The following GGH variants were observed in gnomAD, a reference collection of about 807,000 sequenced individuals.
The protein encoded by GGH is gamma-glutamyl hydrolase.
GGH carries 18 observed loss-of-function variants against 39.2 expected under a neutral mutation model. The ratio of observed to expected loss-of-function variants is 0.46; its 90% confidence interval spans 0.32 to 0.68. The LOEUF (loss-of-function observed/expected upper bound fraction) is 0.68, where lower values mean the gene tolerates loss of function less well. GGH is among the 30% of genes least tolerant of loss of function. The probability of loss-of-function intolerance (pLI) is 0.04; values close to 1 mark genes in which losing one functional copy is unlikely to be tolerated. For missense variants in GGH, 367 were observed against 384.1 expected (o/e 0.96, Z 0.37); for synonymous variants, 147 against 138.8 (o/e 1.06, Z -0.42).
chr8:63,027,297 G>GGCAAAATACACCC, intron 3 of GGH, 32 bp from the exon 4 acceptor site: 3 of 1,206,068 alleles, frequency 2.5e-6, no homozygotes, highest in Non-Finnish European at 3.7e-6. Context: ...CAAATAGGGT[G>GGCAAAATACACCC]TATTTTGCCA....
At chr8:63,026,103 C>T (rs756803708) in intron 5 of GGH, 55 bp downstream of exon 5, 4 of 1,387,572 alleles carry the variant, frequency 2.9e-6, no homozygotes, top group Non-Finnish European at 3.9e-6. Flanking sequence ...ATATTTGCTA[C>T]TTACTAATCC....
chr8:63,024,989 T>C (rs1804658347), intron 5 of GGH: 1 of 152,214 alleles, frequency 6.6e-6, no homozygotes, highest in Non-Finnish European at 1.5e-5. Context: ...CTACAAGTTT[T>C]AAGTATGACT....
intron 2 of GGH, 125 bp downstream of exon 2, chr8:63,035,531 C>T: frequency 7.3e-7 from 1 of 1,376,780 alleles, no homozygotes; most frequent in Non-Finnish European, 9.5e-7. Flanking sequence ...GTCTCGAACT[C>T]CTGACCTCAG....
intron 2 of GGH, among the ~76,000 whole-genome samples, chr8:63,034,600 C>T (rs1804865993): frequency 2.0e-5 from 3 of 152,182 alleles, no homozygotes; most frequent in Admixed American, 6.5e-5. Context: ...TAGCTCCTTC[C>T]AGATGAAAAA....
chr8:63,033,950 C>A (rs1425578741), intron 2 of GGH, among the ~76,000 whole-genome samples: 1 of 147,566 alleles, frequency 6.8e-6, no homozygotes, highest in Non-Finnish European at 1.5e-5. Context: ...TGATTTCATT[C>A]TTTTTTATGG....
intron 8 of GGH, among the ~76,000 whole-genome samples, chr8:63,015,728 G>A (rs1804475869): frequency 6.6e-6 from 1 of 151,802 alleles, no homozygotes; most frequent in Non-Finnish European, 1.5e-5. Flanking sequence ...AGCAGTGCCC[G>A]ATTTATGGCA....
At chr8:63,033,018 T>A (rs1804833598) in intron 2 of GGH, among the ~76,000 whole-genome samples, 1 of 152,234 alleles carries the variant, frequency 6.6e-6, no homozygotes, top group Non-Finnish European at 1.5e-5. Context: ...ACTTCACACC[T>A]AGACTACTGC....
At chr8:63,020,920 C>T (rs1585666618) in intron 7 of GGH, among the ~76,000 whole-genome samples, 1 of 152,176 alleles carries the variant, frequency 6.6e-6, no homozygotes, top group East Asian at 1.9e-4. Flanking sequence ...TAAGAGGCTG[C>T]TGCTGCAGCA....
chr8:63,030,141 G>A (rs368295274), intron 3 of GGH, 26 bp downstream of exon 3: 53 of 1,066,414 alleles, frequency 5.0e-5, no homozygotes, highest in African/African-American at 2.3e-4. Context: ...CTCATATACC[G>A]TATGAAACCA....
At chr8:63,021,729 C>T (rs1477727123) in intron 7 of GGH, among the ~76,000 whole-genome samples, 1 of 134,202 alleles carries the variant, frequency 7.5e-6, no homozygotes, top group African/African-American at 2.9e-5. Flanking sequence ...GGCTGGAGTG[C>T]AGTGTGCAAT....
intron 8 of GGH, among the ~76,000 whole-genome samples, chr8:63,016,688 A>C (rs1231818794): frequency 6.6e-6 from 1 of 152,222 alleles, no homozygotes; most frequent in Admixed American, 6.5e-5. Flanking sequence ...GTGTTGTTCA[A>C]GGACCTGCTA....
chr8:63,032,148 C>T (rs1319230544), intron 2 of GGH, among the ~76,000 whole-genome samples: 2 of 152,108 alleles, frequency 1.3e-5, no homozygotes, highest in Admixed American at 1.3e-4. Flanking sequence ...ATCCTCCCAC[C>T]TCAGCCTCCT....
At chr8:63,017,695 G>T (rs1249300526) in intron 7 of GGH, 65 bp from the exon 8 acceptor site, 4 of 963,866 alleles carry the variant, frequency 4.1e-6, no homozygotes, top group South Asian at 1.9e-5. Context: ...TAATGAAATT[G>T]GTTTATTTCT....
At chr8:63,025,990 C>A (rs1384799614) in intron 5 of GGH, among the ~76,000 whole-genome samples, 168 bp downstream of exon 5, 1 of 152,206 alleles carries the variant, frequency 6.6e-6, no homozygotes, top group Non-Finnish European at 1.5e-5. Context: ...GATGGTCATT[C>A]ACATCTTCAA....
chr8:63,020,336 C>A (rs951771409), intron 7 of GGH, among the ~76,000 whole-genome samples: 2 of 152,142 alleles, frequency 1.3e-5, no homozygotes, highest in African/African-American at 2.4e-5. Flanking sequence ...CAACATGGAA[C>A]CTGATTTCCT....
At chr8:63,021,488 G>A (rs1328547385) in intron 7 of GGH, among the ~76,000 whole-genome samples, 2 of 152,094 alleles carry the variant, frequency 1.3e-5, no homozygotes, top group African/African-American at 4.8e-5. Context: ...GACATCCTGG[G>A]TAACACTAGT....
chr8:63,021,635 T>A (rs976305216), intron 7 of GGH, among the ~76,000 whole-genome samples: 2 of 151,884 alleles, frequency 1.3e-5, no homozygotes, highest in Non-Finnish European at 2.9e-5. Context: ...GACAATCAAG[T>A]TTTTTTGGAT....
Position 63,019,879 on chromosome 8 carries a change from A to G in GGH, c.698-2249T>C, listed in dbSNP as rs1228261296. Among the ~76,000 whole-genome samples the G allele has an allele frequency of 2.0e-5, 3 of 152,188 alleles. No homozygotes were observed. In the East Asian group the frequency reaches 5.8e-4, roughly 29 times the overall value. On this transcript the variant is annotated intron_variant, in intron 7 of 8. Coordinates refer to ENST00000260118, the MANE Select transcript of GGH (RefSeq NM_003878.3). ...TTATTCTTGTTTCCTAATCTTAAAA[A>G]AATCTTTAAAGGGCACTCATTTCTG...
At chr8:63,036,107 AT>A (rs1804903578) in intron 1 of GGH, among the ~76,000 whole-genome samples, 1 of 152,188 alleles carries the variant, frequency 6.6e-6, no homozygotes, top group African/African-American at 2.4e-5. Context: ...TTTCCCACAC[AT>A]ACTCACAGAC....
Sources: gnomAD v4.1 joint callset for allele counts (sites outside exome capture counted in the v4.1 genomes callset) on GRCh38, gnomAD v4.1.1 for gene constraint, MANE v1.5 for transcripts, NCBI Gene and HGNC (gene_info 2026-07-23, HGNC 2026-07-21) for gene names.